RPRD1A: variants seen among roughly 807,000 people sequenced by gnomAD.
The protein encoded by RPRD1A is regulation of nuclear pre-mRNA domain containing 1A.
Under a neutral mutation model 37.8 loss-of-function variants are expected in RPRD1A, and 9 were observed. The ratio of observed to expected loss-of-function variants is 0.24; its 90% CI spans 0.14 to 0.42. The LOEUF is 0.42. RPRD1A is among the 10% of genes least tolerant of loss of function. The pLI, the probability that RPRD1A is intolerant of heterozygous loss-of-function variation, is 1.00. For synonymous variants in RPRD1A, 138 were observed against 139.7 expected (o/e 0.99, Z 0.08); for missense variants, 255 against 371.0 (o/e 0.69, Z 2.57).
intron 1 of RPRD1A, among the ~76,000 whole-genome samples, chr18:36,050,212 A>T (rs1913277657): frequency 6.6e-6 from 1 of 152,008 alleles, no homozygotes; most frequent in Non-Finnish European, 1.5e-5. Context: ...ACAAGAAAAA[A>T]GGTTGAAATT....
chr18:36,005,173 C>T (rs1273641833), intron 6 of RPRD1A, among the ~76,000 whole-genome samples: 1 of 152,024 alleles, frequency 6.6e-6, no homozygotes, highest in Non-Finnish European at 1.5e-5. Context: ...TGGTGGCGGG[C>T]GCCTGTAGTC....
chr18:36,061,524 G>C (rs1326551150), intron 1 of RPRD1A, among the ~76,000 whole-genome samples: 1 of 152,172 alleles, frequency 6.6e-6, no homozygotes, highest in Non-Finnish European at 1.5e-5. Context: ...AGTGTGTGTA[G>C]AAAAGAGCCC....
In RPRD1A at chr18:36,067,414, A is replaced by G. The variant is rs572063571; in HGVS notation, c.-10T>C. On this transcript the variant is annotated 5_prime_UTR_variant, in exon 1 of 7. Transcript: ENST00000399022. The stretch of plus-strand genomic sequence containing the variant: ...CAGAGAAGGCTGACATCCCTCCGAC[A>G]CCACGTTCACGCCGTCCCACGCGGT... 3.9e-5 allele frequency: 62 copies of G among 1,603,332 alleles called. No homozygotes were observed. The Admixed American group carries it at 9.6e-4, about 25-fold the overall frequency.
intron 6 of RPRD1A, among the ~76,000 whole-genome samples, chr18:36,009,516 C>CT (rs1449032739): frequency 1.3e-5 from 2 of 152,180 alleles, no homozygotes; most frequent in African/African-American, 4.8e-5. Flanking sequence ...GATGTGAAAT[C>CT]TTTAACTCAA....
intron 6 of RPRD1A, among the ~76,000 whole-genome samples, chr18:36,018,963 A>C (rs1050505276): frequency 6.6e-6 from 1 of 152,124 alleles, no homozygotes; most frequent in Non-Finnish European, 1.5e-5. Context: ...CTCTGTTAAC[A>C]ATCAGCAAAG....
intron 1 of RPRD1A, among the ~76,000 whole-genome samples, chr18:36,046,336 G>GT (rs1482631780): frequency 6.6e-6 from 1 of 152,146 alleles, no homozygotes; most frequent in Non-Finnish European, 1.5e-5. Flanking sequence ...CCACTGGGCT[G>GT]TATCACAGGA....
At chr18:36,066,255 A>T (rs1181956854) in intron 1 of RPRD1A, among the ~76,000 whole-genome samples, 1 of 152,240 alleles carries the variant, frequency 6.6e-6, no homozygotes, top group Non-Finnish European at 1.5e-5. Context: ...CATTATATAC[A>T]GCCAACATTT....
At chr18:36,029,875 G>T (rs1158823518) in intron 4 of RPRD1A, among the ~76,000 whole-genome samples, 3 of 151,110 alleles carry the variant, frequency 2.0e-5, no homozygotes, top group South Asian at 2.1e-4. Context: ...GTGCTATCTC[G>T]GTTCACTGCA....
At chr18:36,018,744 T>C (rs542912523) in intron 6 of RPRD1A, among the ~76,000 whole-genome samples, 4 of 152,142 alleles carry the variant, frequency 2.6e-5, no homozygotes, top group South Asian at 2.1e-4. Flanking sequence ...AAACTAAGTA[T>C]ATAAAGTATT....
At chr18:36,040,348 G>A (rs1390665451) in intron 1 of RPRD1A, among the ~76,000 whole-genome samples, 1 of 152,178 alleles carries the variant, frequency 6.6e-6, no homozygotes, top group Non-Finnish European at 1.5e-5. Context: ...TAAGCCATAT[G>A]TGTAAATGTG....
intron 6 of RPRD1A, among the ~76,000 whole-genome samples, chr18:36,007,512 C>A (rs1229496632): frequency 6.6e-6 from 1 of 152,202 alleles, no homozygotes; most frequent in Non-Finnish European, 1.5e-5. Flanking sequence ...GAGAAGGACA[C>A]TGCTTCTTTA....
At chr18:36,037,149 A>G (rs1004069655) in intron 1 of RPRD1A, among the ~76,000 whole-genome samples, 2 of 152,162 alleles carry the variant, frequency 1.3e-5, no homozygotes, top group East Asian at 1.9e-4. Flanking sequence ...CCCCATGAAT[A>G]TATCACACCA....
intron 1 of RPRD1A, among the ~76,000 whole-genome samples, chr18:36,063,475 T>TTA (rs10666000): frequency 0.23 from 35,066 of 152,182 alleles, 4,070 homozygotes; most frequent in East Asian, 0.25. Flanking sequence ...GCTCATTCTT[T>TTA]TATTTTAAAC....
At chr18:36,012,336 C>T (rs62101394) in intron 6 of RPRD1A, among the ~76,000 whole-genome samples, 41,666 of 152,006 alleles carry the variant, frequency 0.27, 6,166 homozygotes, top group African/African-American at 0.4. Flanking sequence ...TAAATGACTT[C>T]GTTACCGGTT....
chr18:36,063,761 G>C (rs919311057), intron 1 of RPRD1A, among the ~76,000 whole-genome samples: 1 of 152,158 alleles, frequency 6.6e-6, no homozygotes, highest in African/African-American at 2.4e-5. Context: ...CTGCAGGAAA[G>C]GGGAAGGACA....
rs918462703 is a variant in RPRD1A at position 35,993,263 on chromosome 18, C to T, written c.827G>A (p.Arg276His). The T allele has an allele frequency of 1.9e-6, 3 of 1,614,032 alleles. No individual in the cohort carries two copies. The highest frequency in any genetic ancestry group is 2.2e-5 in the East Asian group (1 of 44,896). ...CTGGATCCGGGACCTGAGTTCTTTG[C>T]GCACCAGGGAAACTCTGGCTAGCTT... Reference protein sequence around the residue: ...KRKLARVSLVRKELRSRIQSL... With the variant: ...KRKLARVSLVHKELRSRIQSL... The change falls in exon 7 of 7, where the codon CGC (arginine) becomes CAC (histidine). Residue 276 changes from arginine to histidine, a missense_variant. Physicochemically the swap from Arg to His is conservative, Grantham distance 29. This residue lies in a region of RPRD1A where 211 missense variants were observed against 268.9 expected (regional missense o/e 0.78). Transcript: ENST00000399022.
chr18:36,016,334 T>C (rs1344774844), intron 6 of RPRD1A, among the ~76,000 whole-genome samples: 2 of 152,202 alleles, frequency 1.3e-5, no homozygotes, highest in Non-Finnish European at 2.9e-5. Context: ...GCGATTCTCC[T>C]GTCTTAGCCT....
chr18:36,008,577 G>GTGTGTATATATATATA lies in RPRD1A; in HGVS notation c.790-15278_790-15277insTATATATATATACACA. On this transcript the variant is annotated intron_variant, in intron 6 of 6. Coordinates refer to ENST00000399022, the MANE Select transcript of RPRD1A (RefSeq NM_018170.5). Reference sequence around the variant, plus strand: ...GGCGACACAGCAAGACCTTGTGTGTGTATATATATATATCTTTAAAAATCT... The same window carrying GTGTGTATATATATATA: ...GGCGACACAGCAAGACCTTGTGTGTGTGTGTATATATATATATATATATATATATCTTTAAAAATCT... Among the ~76,000 whole-genome samples, 19 of 47,780 alleles carry GTGTGTATATATATATA rather than the reference G, an allele frequency of 4.0e-4. 1 individual carries two copies. The highest frequency in any genetic ancestry group is 7.8e-4 in the East Asian group (1 of 1,286). 31.3% of individuals were successfully genotyped at this position (47,780 alleles called of 152,430 possible). A position where few individuals can be genotyped will look rare whatever the true frequency, so the allele number is the denominator to read the frequency against.
chr18:36,005,128 C>T (rs1270228222), intron 6 of RPRD1A, among the ~76,000 whole-genome samples: 1 of 151,974 alleles, frequency 6.6e-6, no homozygotes, highest in Non-Finnish European at 1.5e-5. Context: ...GGTGAAACCC[C>T]GTCTCCGCTA....
Sources: gnomAD v4.1 joint callset for allele counts (sites outside exome capture counted in the v4.1 genomes callset) on GRCh38, gnomAD v4.1.1 for gene constraint, gnomAD v4.1.1 regional missense constraint, MANE v1.5 for transcripts, NCBI Gene and HGNC (gene_info 2026-07-23, HGNC 2026-07-21) for gene names.